The following ZNF732 variants were observed in gnomAD, a reference collection of about 807,000 sequenced individuals.
ZNF732 encodes the protein zinc finger protein 732, also known as zinc finger protein LOC654254.
Under a neutral mutation model 11.5 loss-of-function variants are expected in ZNF732, and 12 were observed. The ratio of observed to expected loss-of-function variants is 1.05; its 90% confidence interval spans 0.67 to 1.70. The LOEUF (loss-of-function observed/expected upper bound fraction) is 1.70. Among genes scored for constraint, ZNF732 ranks in the 40% most tolerant of loss-of-function variants. The pLI, the probability that ZNF732 is intolerant of heterozygous loss-of-function variation, is 0.00. For synonymous variants in ZNF732, 231 were observed against 236.5 expected (o/e 0.98, Z 0.21); for missense variants, 702 against 676.9 (o/e 1.04, Z -0.41).
Position 271,665 on chromosome 4 carries a change from C to CT in ZNF732, c.1191dup (p.Ala398SerfsTer3), listed in dbSNP as rs782341274. On this transcript the variant is annotated frameshift_variant, in exon 4 of 4. Coordinates refer to ENST00000419098, the MANE Select transcript of ZNF732 (RefSeq NM_001137608.3). LOFTEE classifies it low-confidence loss of function (END_TRUNC). ...TTAAGGGTTGTGAACCGACTAAAGGCTTTTCCACATTCTTCACATGTGTAG... is the reference window on the plus strand; with the variant it reads ...TTAAGGGTTGTGAACCGACTAAAGGCTTTTTCCACATTCTTCACATGTGTAG... 1.6e-5 allele frequency: 26 copies of CT among 1,611,150 alleles called. No individual in the cohort carries two copies. The highest frequency in any genetic ancestry group is 2.2e-5 in the Non-Finnish European group (26 of 1,178,552).
intron 1 of ZNF732, among the ~76,000 whole-genome samples, chr4:297,212 G>A (rs1719972146): frequency 6.6e-6 from 1 of 151,678 alleles, no homozygotes; most frequent in Non-Finnish European, 1.5e-5. Flanking sequence ...AGGTTGCAGT[G>A]AGCCAAGACC....
chr4:299,437 A>ATACACATATATACACATATGTG (rs1720046125), intron 1 of ZNF732, among the ~76,000 whole-genome samples: 4 of 11,914 alleles, frequency 3.4e-4, no homozygotes, highest in African/African-American at 4.7e-4. Context: ...ACATATGTGT[A>ATACACATATATACACATATGTG]TATATATATA....
At chr4:293,338 G>T (rs1481853653) in intron 3 of ZNF732, among the ~76,000 whole-genome samples, 2 of 147,722 alleles carry the variant, frequency 1.4e-5, no homozygotes, top group African/African-American at 5.0e-5. Flanking sequence ...ACACACAGTA[G>T]ACTACTATTC....
intron 1 of ZNF732, among the ~76,000 whole-genome samples, chr4:300,098 G>A (rs923776770): frequency 6.6e-6 from 1 of 151,906 alleles, no homozygotes; most frequent in African/African-American, 2.4e-5. Context: ...TAAGTGGTTA[G>A]TGACTGGCTA....
intron 1 of ZNF732, among the ~76,000 whole-genome samples, chr4:304,364 G>A (rs1197072527): frequency 2.6e-5 from 4 of 151,966 alleles, no homozygotes; most frequent in African/African-American, 4.8e-5. Context: ...CAGCACATGT[G>A]CAGAACCCGG....
At chr4:293,989 G>A (rs1327651540) in intron 3 of ZNF732, among the ~76,000 whole-genome samples, 4 of 152,062 alleles carry the variant, frequency 2.6e-5, no homozygotes, top group African/African-American at 9.7e-5. Context: ...ATTAAAGTCT[G>A]GTAAAATTAG....
rs564229857 is a variant in ZNF732, at chr4:271,160, G to C, written c.1697C>G (p.Ala566Gly). 6.4e-7 allele frequency: 1 copy of C among 1,551,724 alleles called. No individual in the cohort carries two copies. Among genetic ancestry groups the C allele is most frequent in the African/African-American group, 1.4e-5 (1 of 72,904 alleles). The stretch of plus-strand genomic sequence containing the variant: ...ATTAAGGTATGAGGACCACTTAAAG[G>C]CTTTGCCACATCCTTTACATTTGGG... ...KTPKCKGCGKAFKWSSYLNQH... is the reference protein window; with the variant it reads ...KTPKCKGCGKGFKWSSYLNQH... Residue 566 changes from alanine (A) to glycine (G), a missense_variant, in exon 4 of 4, where the codon GCC (alanine) becomes GGC (glycine). Physicochemically the swap from Ala to Gly is moderately conservative, Grantham distance 60. Transcript: ENST00000419098.
At chr4:301,479 CAAT>C (rs1401309361) in intron 1 of ZNF732, among the ~76,000 whole-genome samples, 1 of 152,132 alleles carries the variant, frequency 6.6e-6, no homozygotes, top group East Asian at 1.9e-4. Context: ...AAATGTCCAA[CAAT>C]GATAGACTAG....
intron 3 of ZNF732, 94 bp downstream of exon 3, chr4:295,344 G>T (rs1553842060): frequency 1.0e-6 from 1 of 978,384 alleles, no homozygotes; most frequent in Non-Finnish European, 1.5e-6. Flanking sequence ...ATTTTCACTG[G>T]AGCAGAGCTT....
intron 3 of ZNF732, among the ~76,000 whole-genome samples, chr4:281,068 T>C (rs781996924): frequency 2.0e-5 from 3 of 152,104 alleles, no homozygotes; most frequent in Admixed American, 6.5e-5. Context: ...TGCAACCAAG[T>C]CCAGAAGAAG....
intron 3 of ZNF732, among the ~76,000 whole-genome samples, chr4:281,621 GTAGCT>G (rs1218889979): frequency 3.3e-5 from 5 of 152,296 alleles, no homozygotes; most frequent in Admixed American, 6.5e-5. Flanking sequence ...AAACCCAGTA[GTAGCT>G]ACGTGACCCG....
At chr4:304,699 A>C (rs1295472448) in intron 1 of ZNF732, among the ~76,000 whole-genome samples, 3 of 152,226 alleles carry the variant, frequency 2.0e-5, no homozygotes, top group African/African-American at 7.2e-5. Context: ...GAACTCAGCG[A>C]AGCGCTGTGC....
chr4:278,474 A>G (rs1719547079), intron 3 of ZNF732, among the ~76,000 whole-genome samples: 1 of 152,228 alleles, frequency 6.6e-6, no homozygotes, highest in South Asian at 2.1e-4. Flanking sequence ...GTGGAGGAAA[A>G]GTTAAATATT....
intron 3 of ZNF732, among the ~76,000 whole-genome samples, chr4:288,314 T>C (rs1178796513): frequency 1.3e-5 from 2 of 152,228 alleles, no homozygotes; most frequent in African/African-American, 4.8e-5. Flanking sequence ...TAAGAAAACA[T>C]TGCTGAGACC....
intron 3 of ZNF732, among the ~76,000 whole-genome samples, chr4:282,865 G>A (rs1652563843): frequency 6.6e-6 from 1 of 151,590 alleles, no homozygotes; most frequent in Admixed American, 6.6e-5. Context: ...CACCATACAA[G>A]GGAAGGCAGC....
At chr4:277,602 C>CA (rs57017607) in intron 3 of ZNF732, among the ~76,000 whole-genome samples, 9,286 of 146,242 alleles carry the variant, frequency 0.063, 468 homozygotes, top group African/African-American at 0.14. Flanking sequence ...ATTAGAAAGA[C>CA]AAAAAAAAAT....
intron 3 of ZNF732, among the ~76,000 whole-genome samples, chr4:292,762 A>G (rs181237806): frequency 6.4e-4 from 97 of 151,304 alleles, no homozygotes; most frequent in Non-Finnish European, 1.2e-3. Flanking sequence ...AAAACAATAA[A>G]AAGGCCGGGC....
At position 305,119 on chromosome 4, in the gene ZNF732, T is replaced by C. The variant is rs529072005; in HGVS notation, c.3+189A>G. On this transcript the variant is annotated intron_variant, in intron 1 of 3. Transcript: ENST00000419098. Reference sequence around the variant, plus strand: ...GGGCGCAGAGCTGCACAAGTAGGGCTGCAGGCTGGGCCAAAGCCGCCTTGC... The same window carrying C: ...GGGCGCAGAGCTGCACAAGTAGGGCCGCAGGCTGGGCCAAAGCCGCCTTGC... Among the ~76,000 whole-genome samples, 3 of 152,298 alleles carry C rather than the reference T, an allele frequency of 2.0e-5. No homozygotes were observed. In the East Asian group the frequency reaches 5.8e-4, roughly 30 times the overall value.
At chr4:295,416 T>G (rs1284642032) in intron 3 of ZNF732, 22 bp downstream of exon 3, 1 of 1,585,232 alleles carries the variant, frequency 6.3e-7, no homozygotes, top group Non-Finnish European at 8.6e-7. Context: ...CTGTGTCCTC[T>G]CCTTCATTCA....
Sources: allele counts gnomAD v4.1 joint callset (sites outside exome capture counted in the v4.1 genomes callset), GRCh38; gene constraint gnomAD v4.1.1; transcripts MANE v1.5; gene names NCBI Gene and HGNC (gene_info 2026-07-23, HGNC 2026-07-21).